AHNAK2: variants seen among roughly 807,000 people sequenced by gnomAD.
AHNAK2 encodes the protein AHNAK nucleoprotein 2, also known as protein AHNAK2.
A neutral mutation model predicts 30.7 loss-of-function variants in AHNAK2; 18 were observed. The ratio of observed to expected loss-of-function variants is 0.59; its 90% CI spans 0.41 to 0.87. The LOEUF is 0.87. AHNAK2 is among the 40% of genes least tolerant of loss of function. The pLI, the probability that AHNAK2 is intolerant of heterozygous loss-of-function variation, is 0.00. For synonymous variants in AHNAK2, 3,590 were observed against 3,073.8 expected (o/e 1.17, Z -5.56); for missense variants, 8,604 against 7,373.0 (o/e 1.17, Z -6.11).
At chr14:104,968,462 C>T (rs1374964846) in intron 1 of AHNAK2, among the ~76,000 whole-genome samples, 2 of 152,170 alleles carry the variant, frequency 1.3e-5, no homozygotes, top group African/African-American at 4.8e-5. Flanking sequence ...GGCAGAGGCT[C>T]ACCAACACCC....
chr14:104,943,310 G>C lies in AHNAK2; in HGVS notation c.12141C>G (p.Leu4047=), dbSNP rs2140827341. 1 of 1,613,006 alleles carries C rather than the reference G, an allele frequency of 6.2e-7. No homozygotes were observed. Among genetic ancestry groups the C allele is most frequent in the Non-Finnish European group, 8.5e-7 (1 of 1,179,556 alleles). Residue 4047 remains leucine, a synonymous_variant, in exon 7 of 7, where the codon CTC becomes CTG. Transcript: ENST00000333244. ...PEGPVPEGAS[L]KGHLPKVQMP... is the part of the protein sequence containing the mutation. The stretch of plus-strand genomic sequence containing the variant: ...TCTGCACCTTGGGCAGGTGCCCTTT[G>C]AGGCTGGCTCCCTCGGGCACGGGGC...
rs1031271063 is a variant in AHNAK2, at chr14:104,946,601, G to C, written c.8850C>G (p.Ala2950=). 6.2e-7 allele frequency: 1 copy of C among 1,612,828 alleles called. No homozygotes were observed. The highest frequency in any genetic ancestry group is 8.5e-7 in the Non-Finnish European group (1 of 1,179,712). ...SLPSVEVDVE[A]PRAKLDGARL... Reference sequence around the variant, plus strand: ...GTGCACCATCCAGCTTTGCTCTCGGGGCCTCGACGTCCACCTCCACGCTGG... The same window carrying C: ...GTGCACCATCCAGCTTTGCTCTCGGCGCCTCGACGTCCACCTCCACGCTGG... The change falls in exon 7 of 7, where the codon GCC becomes GCG. Residue 2950 remains alanine (A), a synonymous_variant. Coordinates refer to ENST00000333244, the MANE Select transcript of AHNAK2 (RefSeq NM_138420.4).
At position 104,947,331 on chromosome 14, in the gene AHNAK2, A is replaced by C. The variant is rs372386683; in HGVS notation, c.8120T>G (p.Val2707Gly). The C allele has an allele frequency of 3.0e-5, 48 of 1,610,836 alleles. No individual in the cohort carries two copies. The highest frequency in any genetic ancestry group is 3.6e-5 in the Non-Finnish European group (43 of 1,179,178). Residue 2707 changes from valine (V) to glycine (G), a missense_variant, in exon 7 of 7, where the codon GTC becomes GGC. Transcript: ENST00000333244. The part of the protein sequence containing the change: ...SIQPPSAQLE[V>G]QAGQVDVKLP... ...TTTCACATCCACCTGGCCAGCCTGG[A>C]CCTCCAGTTGGGCAGAGGGGGGCTG...
rs111265049 is a variant in AHNAK2, at chr14:104,953,006, C to T, written c.2445G>A (p.Leu815=). 1,237 of 1,612,958 alleles carry T rather than the reference C, an allele frequency of 7.7e-4. 37 individuals carry two copies. In the African/African-American group the frequency reaches 0.015, roughly 19 times the overall value. Residue 815 remains leucine, a synonymous_variant, in exon 7 of 7, where the codon CTG becomes CTA. Transcript: ENST00000333244. Reference sequence around the variant, plus strand: ...TGTCGGCCAGGGACAGGTCCCCCTCCAGCCGCGCACCATCCAGCTTTGCTC... The same window carrying T: ...TGTCGGCCAGGGACAGGTCCCCCTCTAGCCGCGCACCATCCAGCTTTGCTC... The part of the protein sequence containing the change: ...APRAKLDGAR[L]EGDLSLADKE...
Position 104,947,949 on chromosome 14 carries a change from G to C in AHNAK2, c.7502C>G (p.Ser2501Cys). The C allele has an allele frequency of 6.2e-7, 1 of 1,612,884 alleles. No individual in the cohort carries two copies. Among genetic ancestry groups the C allele is most frequent in the Non-Finnish European group, 8.5e-7 (1 of 1,179,632 alleles). ...PSFGVSAPGK[S>C]IEASVDVSAP... ...AGACACATCCACCGAGGCCTCGATG[G>C]ACTTGCCTGGGGCAGACACCCCGAA... The change falls in exon 7 of 7, where the codon TCC (serine) becomes TGC (cysteine). Residue 2501 changes from serine to cysteine, a missense_variant. Coordinates refer to ENST00000333244, the MANE Select transcript of AHNAK2 (RefSeq NM_138420.4).
rs762827116 is a variant in AHNAK2 at position 104,952,625 on chromosome 14, C to T, written c.2826G>A (p.Lys942=). Reference sequence around the variant, plus strand: ...CCGCCTTGGGGCCTTTCAGGTCCAGCTTGGGGCCCTTAACATCTATCTGGG... The same window carrying T: ...CCGCCTTGGGGCCTTTCAGGTCCAGTTTGGGGCCCTTAACATCTATCTGGG... ...KGPQIDVKGP[K]LDLKGPKAEV... The change falls in exon 7 of 7, where the codon AAG becomes AAA. Residue 942 remains lysine, a synonymous_variant. Coordinates refer to ENST00000333244, the MANE Select transcript of AHNAK2 (RefSeq NM_138420.4). 1 of 1,612,648 alleles carries T rather than the reference C, an allele frequency of 6.2e-7. No individual in the cohort carries two copies. Among genetic ancestry groups the T allele is most frequent in the African/African-American group, 1.3e-5 (1 of 74,372 alleles).
Position 104,941,125 on chromosome 14 carries a change from C to G in AHNAK2, c.14326G>C (p.Gly4776Arg). 6.2e-7 allele frequency: 1 copy of G among 1,613,544 alleles called. No homozygotes were observed. The highest frequency in any genetic ancestry group is 8.5e-7 in the Non-Finnish European group (1 of 1,179,890). The change falls in exon 7 of 7, where the codon GGT becomes CGT. Residue 4776 changes from glycine (G) to arginine (R), a missense_variant. Transcript: ENST00000333244. The part of the protein sequence containing the change: ...GFPSSRLDLT[G>R]PHFESSILSP... ...AGAATAGAAGATTCAAAGTGAGGAC[C>G]AGTGAGATCAAGCCGGGATGATGGA...
Position 104,944,246 on chromosome 14 carries a change from G to T in AHNAK2, c.11205C>A (p.Asp3735Glu). The T allele has an allele frequency of 3.1e-6, 5 of 1,612,836 alleles. No homozygotes were observed. Among genetic ancestry groups the T allele is most frequent in the Non-Finnish European group, 3.4e-6 (4 of 1,179,524 alleles). The change falls in exon 7 of 7, where the codon GAC becomes GAA. Residue 3735 changes from aspartate (D) to glutamate (E), a missense_variant. Transcript: ENST00000333244. ...TGATGTCCACCTGGGGGCCCTTGAG[G>T]TCCACTTTGGGCATCTTCAAACTGG... ...EMPSLKMPKV[D>E]LKGPQVDIKG...
chr14:104,948,688 C>T lies in AHNAK2; in HGVS notation c.6763G>A (p.Glu2255Lys), dbSNP rs567506730. The T allele has an allele frequency of 3.6e-5, 57 of 1,604,786 alleles. 1 individual carries two copies. The highest frequency in any genetic ancestry group is 1.4e-4 in the South Asian group (13 of 90,738). ...KVPKVDLKGP[E>K]IDIKGPKLDL... Reference sequence around the variant, plus strand: ...AGCTTGGGGCCCTTGATGTCTATTTCGGGGCCCTTGAGGTCCACTTTGGGC... The same window carrying T: ...AGCTTGGGGCCCTTGATGTCTATTTTGGGGCCCTTGAGGTCCACTTTGGGC... The change falls in exon 7 of 7, where the codon GAA becomes AAA. Residue 2255 changes from glutamate (E) to lysine (K), a missense_variant. Coordinates refer to ENST00000333244, the MANE Select transcript of AHNAK2 (RefSeq NM_138420.4).
At position 104,944,711 on chromosome 14, in the gene AHNAK2, G is replaced by A. The variant is rs368443113; in HGVS notation, c.10740C>T (p.Gly3580=). 7 of 1,612,470 alleles carry A rather than the reference G, an allele frequency of 4.3e-6. No individual in the cohort carries two copies. The highest frequency in any genetic ancestry group is 5.9e-6 in the Non-Finnish European group (7 of 1,179,512). The change falls in exon 7 of 7, where the codon GGC becomes GGT. Residue 3580 remains glycine, a synonymous_variant. Transcript: ENST00000333244. ...TGGGGCCTTTCAGGTCCAGCTTGGG[G>A]CCCTTAACATCTATCTGGGGGCCCT... The part of the protein sequence containing the change: ...DLKGPQIDVK[G]PKLDLKGPKA...
rs1435056613 is a variant in AHNAK2 at position 104,942,426 on chromosome 14, T to C, written c.13025A>G (p.Lys4342Arg). The C allele has an allele frequency of 1.2e-6, 2 of 1,612,768 alleles. No homozygotes were observed. Among genetic ancestry groups the C allele is most frequent in the Non-Finnish European group, 1.7e-6 (2 of 1,179,532 alleles). ...GGGCTGAATGCTGAGGTGAGTGGTC[T>C]TCAGGTCCCCCTGCATGGAGGGGAG... ...VSLPSMQGDL[K>R]TTHLSIQPPS... The change falls in exon 7 of 7, where the codon AAG becomes AGG. Residue 4342 changes from lysine to arginine, a missense_variant. Physicochemically the swap from Lys to Arg is conservative, Grantham distance 26. Coordinates refer to ENST00000333244, the MANE Select transcript of AHNAK2 (RefSeq NM_138420.4).
In AHNAK2 at chr14:104,944,638, C is replaced by T; in HGVS notation, c.10813G>A (p.Glu3605Lys). ...GCCTTCGGGGCCTGGACATCCACCT[C>T]CACGCTGGGCAGAGACACCTCGACA... Reference protein sequence around the residue: ...PDVEVSLPSVEVDVQAPKAKL... With the variant: ...PDVEVSLPSVKVDVQAPKAKL... The change falls in exon 7 of 7, where the codon GAG becomes AAG. Residue 3605 changes from glutamate (E) to lysine (K), a missense_variant. Glu to Lys is a moderately conservative substitution (Grantham distance 56, BLOSUM62 1). Transcript: ENST00000333244. The T allele has an allele frequency of 6.2e-7, 1 of 1,613,302 alleles. No homozygotes were observed. Among genetic ancestry groups the T allele is most frequent in the Non-Finnish European group, 8.5e-7 (1 of 1,179,710 alleles).
At chr14:104,969,359 C>T (rs958569049) in intron 1 of AHNAK2, among the ~76,000 whole-genome samples, 2 of 152,364 alleles carry the variant, frequency 1.3e-5, no homozygotes, top group Admixed American at 6.5e-5. Context: ...CTGCTCTAGC[C>T]CTAGCCGACA....
At chr14:104,956,802 C>G in intron 3 of AHNAK2, 113 bp from the exon 4 acceptor site, 1 of 948,154 alleles carries the variant, frequency 1.1e-6, no homozygotes, top group Non-Finnish European at 1.7e-6. Flanking sequence ...CCCAGAACTT[C>G]CAACACACAG....
chr14:104,963,573 G>C (rs898326235), intron 1 of AHNAK2, among the ~76,000 whole-genome samples: 9 of 152,214 alleles, frequency 5.9e-5, no homozygotes, highest in African/African-American at 2.2e-4. Flanking sequence ...GCTCACGCCT[G>C]TAATCCCAAC....
rs750141215 is a variant in AHNAK2, at chr14:104,948,691, G to A, written c.6760C>T (p.Pro2254Ser). Reference protein sequence around the residue: ...FKVPKVDLKGPEIDIKGPKLD... With the variant: ...FKVPKVDLKGSEIDIKGPKLD... ...TTGGGGCCCTTGATGTCTATTTCGGGGCCCTTGAGGTCCACTTTGGGCACC... is the reference window on the plus strand; with the variant it reads ...TTGGGGCCCTTGATGTCTATTTCGGAGCCCTTGAGGTCCACTTTGGGCACC... Residue 2254 changes from proline to serine, a missense_variant, in exon 7 of 7, where the codon CCC (proline) becomes TCC (serine). Pro to Ser is a moderately conservative substitution (Grantham distance 74, BLOSUM62 -1). Coordinates refer to ENST00000333244, the MANE Select transcript of AHNAK2 (RefSeq NM_138420.4). The A allele has an allele frequency of 4.3e-6, 7 of 1,609,468 alleles. No homozygotes were observed. The Admixed American group carries it at 6.7e-5, about 15-fold the overall frequency.
chr14:104,964,919 G>A (rs1459917169), intron 1 of AHNAK2, among the ~76,000 whole-genome samples: 1 of 152,216 alleles, frequency 6.6e-6, no homozygotes, highest in Non-Finnish European at 1.5e-5. Context: ...AATTTCGATT[G>A]ATTGGATATA....
chr14:104,947,311 C>A lies in AHNAK2; in HGVS notation c.8140G>T (p.Val2714Leu), dbSNP rs770360104. 1.2e-6 allele frequency: 2 copies of A among 1,611,780 alleles called. No individual in the cohort carries two copies. The highest frequency in any genetic ancestry group is 2.2e-5 in the East Asian group (1 of 44,696). ...GGAACGTGGCCCTCTGGGAGTTTCA[C>A]ATCCACCTGGCCAGCCTGGACCTCC... is the stretch of plus-strand genomic sequence containing the variant. ...QLEVQAGQVD[V>L]KLPEGHVPEG... Residue 2714 changes from valine (V) to leucine (L), a missense_variant, in exon 7 of 7, where the codon GTG (valine) becomes TTG (leucine). Val to Leu is a conservative substitution (Grantham distance 32). Transcript: ENST00000333244.
chr14:104,955,266 C>A, intron 5 of AHNAK2, 125 bp from the exon 6 acceptor site: 1 of 1,319,494 alleles, frequency 7.6e-7, no homozygotes, highest in Non-Finnish European at 1.0e-6. Context: ...GTCTGCCCCA[C>A]CAGTCCCCCA....
Sources: gnomAD v4.1 joint callset for allele counts (sites outside exome capture counted in the v4.1 genomes callset) on GRCh38, gnomAD v4.1.1 for gene constraint, MANE v1.5 for transcripts, NCBI Gene and HGNC (gene_info 2026-07-23, HGNC 2026-07-21) for gene names.